TAB2: variants seen among roughly 807,000 people sequenced by gnomAD.
TAB2 encodes TGF-beta-activated kinase 1 and MAP3K7-binding protein 2.
In TAB2, 3 loss-of-function variants were observed where a neutral mutation model predicts 65.0. That is an observed-to-expected ratio of 0.05 (90% confidence interval 0.02 to 0.12). The LOEUF (loss-of-function observed/expected upper bound fraction) is 0.12. Ranked by LOEUF, TAB2 falls within the 10% of genes least tolerant of loss-of-function variation. The pLI is 1.00. For synonymous variants in TAB2, 298 were observed against 285.1 expected, an observed-to-expected ratio of 1.05 and a Z score of -0.46; for missense variants, 623 against 840.3, an observed-to-expected ratio of 0.74 and a Z score of 3.20.
At chr6:149,408,224 G>C (rs183145291) in intron 6 of TAB2, among the ~76,000 whole-genome samples, 1 of 152,192 alleles carries the variant, frequency 6.6e-6, no homozygotes, top group East Asian at 1.9e-4. Flanking sequence ...TCAGACCCTT[G>C]ATTTTTTTAG....
chr6:149,265,098 GA>G lies in TAB2; in HGVS notation c.-121+46332del, dbSNP rs35134622. Among the ~76,000 whole-genome samples the G allele has an allele frequency of 2.5e-3, 365 of 143,476 alleles. 1 individual carries two copies. The highest frequency in any genetic ancestry group is 6.9e-3 in the African/African-American group (272 of 39,360). The allele number at this position is 143,476 out of a possible 152,430, so 94.1% of individuals were successfully genotyped here. A position where few individuals can be genotyped will look rare whatever the true frequency, so the allele number is the denominator to read the frequency against. ...TTAGACAAATTTAGTCTATGAAAATGAAAAAAAAAAGAGGGAAAGAGGGAGG... is the reference window on the plus strand; with the variant it reads ...TTAGACAAATTTAGTCTATGAAAATGAAAAAAAAAGAGGGAAAGAGGGAGG... On this transcript the variant is annotated intron_variant, in intron 1 of 1. Transcript: ENST00000606202.
At chr6:149,401,170 C>T (rs1782395707) in intron 6 of TAB2, 1 of 167,026 alleles carries the variant, frequency 6.0e-6, no homozygotes, top group Admixed American at 6.5e-5. Context: ...GTAGGGCAAT[C>T]TGTCTTTAAG....
intron 1 of TAB2, among the ~76,000 whole-genome samples, chr6:149,239,337 G>A (rs1777554999): frequency 6.6e-6 from 1 of 151,980 alleles, no homozygotes; most frequent in Non-Finnish European, 1.5e-5. Flanking sequence ...TATGTGGTGA[G>A]GTCACCTGAG....
At chr6:149,240,683 T>A (rs1484717266) in intron 1 of TAB2, among the ~76,000 whole-genome samples, 12 of 152,232 alleles carry the variant, frequency 7.9e-5, no homozygotes. Flanking sequence ...TATGGTAGTA[T>A]AATTTGCATA....
upstream of TAB2, among the ~76,000 whole-genome samples, chr6:149,317,270 C>T (rs1410294836): frequency 6.6e-6 from 1 of 151,866 alleles, no homozygotes; most frequent in Non-Finnish European, 1.5e-5. This position sits in a 1 kb window ranked among gnomAD's most constrained non-coding sequence, Gnocchi z 4.7. Flanking sequence ...CCCAGCCCTC[C>T]CCGGGCTGCC....
At position 149,369,961 on chromosome 6, in the gene TAB2, C is replaced by A; in HGVS notation, c.-37C>A. Reference sequence around the variant, plus strand: ...CTATTTCCACTAAGGCCTAGAATTGCCTACTGTACAAATAGTCCTGATCAG... The same window carrying A: ...CTATTTCCACTAAGGCCTAGAATTGACTACTGTACAAATAGTCCTGATCAG... On this transcript the variant is annotated 5_prime_UTR_variant, in exon 2 of 7. Transcript: ENST00000637181. 6.4e-7 allele frequency: 1 copy of A among 1,551,220 alleles called. No individual in the cohort carries two copies. Among genetic ancestry groups the A allele is most frequent in the Non-Finnish European group, 8.9e-7 (1 of 1,122,898 alleles).
At chr6:149,323,231 T>C (rs374503529) in intron 1 of TAB2, among the ~76,000 whole-genome samples, 5 of 152,280 alleles carry the variant, frequency 3.3e-5, no homozygotes, top group Admixed American at 2.0e-4. Context: ...TAAATGCTAT[T>C]TTGTGAATCT....
chr6:149,238,510 A>G (rs1424310278), intron 1 of TAB2, among the ~76,000 whole-genome samples: 1 of 152,160 alleles, frequency 6.6e-6, no homozygotes, highest in African/African-American at 2.4e-5. Context: ...GTTCTGGCCC[A>G]GTGGCTCAGT....
At chr6:149,351,191 TG>T (rs1562428730) in intron 1 of TAB2, among the ~76,000 whole-genome samples, 1 of 152,210 alleles carries the variant, frequency 6.6e-6, no homozygotes, top group African/African-American at 2.4e-5. Context: ...TCTAGCACTT[TG>T]CACAACCTAG....
chr6:149,316,896 C>T (rs1274682280), upstream of TAB2, among the ~76,000 whole-genome samples: 1 of 152,074 alleles, frequency 6.6e-6, no homozygotes, highest in African/African-American at 2.4e-5. Context: ...CTCCCGCACA[C>T]CCTAGGGACG....
intron 3 of TAB2, among the ~76,000 whole-genome samples, chr6:149,396,169 C>T (rs1183249702): frequency 6.6e-6 from 1 of 152,150 alleles, no homozygotes; most frequent in African/African-American, 2.4e-5. Flanking sequence ...AGGCATCCAC[C>T]ACCACGCCCG....
At chr6:149,381,711 T>C (rs1781616297) in intron 3 of TAB2, among the ~76,000 whole-genome samples, 1 of 151,662 alleles carries the variant, frequency 6.6e-6, no homozygotes, top group East Asian at 1.9e-4. Flanking sequence ...GTAGCTGGAC[T>C]ACAGGTACAC....
intron 1 of TAB2, among the ~76,000 whole-genome samples, chr6:149,226,277 G>A (rs551018035): frequency 6.6e-6 from 1 of 152,334 alleles, no homozygotes; most frequent in East Asian, 1.9e-4. Context: ...GCTGTAGGCT[G>A]AGAGTGAATC....
intron 1 of TAB2, chr6:149,318,618 G>GT (rs971259952): frequency 2.0e-5 from 3 of 152,234 alleles, no homozygotes; most frequent in Non-Finnish European, 4.4e-5. Context: ...TTCACTGGAT[G>GT]TTTCTGGTTT....
At chr6:149,308,489 T>C (rs1779107419) in intron 1 of TAB2, among the ~76,000 whole-genome samples, 1 of 150,522 alleles carries the variant, frequency 6.6e-6, no homozygotes. Context: ...TAACCATTAG[T>C]GATATTTTCT....
chr6:149,328,559 T>C (rs541985477), intron 1 of TAB2, among the ~76,000 whole-genome samples: 1 of 152,332 alleles, frequency 6.6e-6, no homozygotes, highest in African/African-American at 2.4e-5. Flanking sequence ...ACCAAAGTGC[T>C]GGGATTACAG....
intron 1 of TAB2, among the ~76,000 whole-genome samples, chr6:149,352,670 T>C (rs1257950001): frequency 1.3e-5 from 2 of 152,226 alleles, no homozygotes; most frequent in Admixed American, 1.3e-4. Flanking sequence ...TACTGTGTTA[T>C]CAACTAGCGG....
intron 1 of TAB2, among the ~76,000 whole-genome samples, chr6:149,303,875 T>G (rs1779012129): frequency 6.6e-6 from 1 of 152,192 alleles, no homozygotes; most frequent in South Asian, 2.1e-4. Context: ...GGGATCTAAA[T>G]GGCAATGAGT....
chr6:149,358,003 T>C lies in TAB2; in HGVS notation c.-89-11906T>C, dbSNP rs544918673. ...GGCGTGAGCCATCACGCCCGGCCTT[T>C]TCATGTATATCTTTACATGATTGTC... On this transcript the variant is annotated intron_variant, in intron 1 of 6. Coordinates refer to ENST00000637181, the MANE Select transcript of TAB2 (RefSeq NM_001292034.3). Among the ~76,000 whole-genome samples, 92 of 152,290 alleles carry C rather than the reference T, an allele frequency of 6.0e-4. 1 individual carries two copies. Among genetic ancestry groups the C allele is most frequent in the African/African-American group, 2.2e-3 (91 of 41,570 alleles).
Sources: gnomAD v4.1 joint callset for allele counts (sites outside exome capture counted in the v4.1 genomes callset) on GRCh38, gnomAD v4.1.1 for gene constraint, Gnocchi (gnomAD v3.1) non-coding constraint, MANE v1.5 for transcripts, NCBI Gene and HGNC (gene_info 2026-07-23, HGNC 2026-07-21) for gene names.